ENTREP2: variants seen among roughly 807,000 people sequenced by gnomAD.
The protein encoded by ENTREP2 is protein ENTREP2.
At chr15:29,372,270 T>A in the ENTREP2 span, among the ~76,000 whole-genome samples, 3 of 152,322 alleles carry the variant, frequency 2.0e-5, no homozygotes, top group African/African-American at 7.2e-5. Context: ...ACGAAGGCCT[T>A]TATGATGGTC....
At chr15:29,421,663 C>T in the ENTREP2 span, among the ~76,000 whole-genome samples, 1 of 152,082 alleles carries the variant, frequency 6.6e-6, no homozygotes, top group African/African-American at 2.4e-5. Context: ...ACTTACAATG[C>T]TCAAACTACG....
the ENTREP2 span, among the ~76,000 whole-genome samples, chr15:29,578,739 G>A: frequency 6.6e-6 from 1 of 152,272 alleles, no homozygotes; most frequent in South Asian, 2.1e-4. Context: ...GTATCCTAAT[G>A]CACTTAGCAC....
the ENTREP2 span, chr15:29,124,630 A>G: frequency 2.1e-6 from 3 of 1,457,190 alleles, no homozygotes; most frequent in Non-Finnish European, 2.8e-6. Flanking sequence ...ACCCACCAAC[A>G]CCCGCCCCAC....
chr15:29,644,833 A>G, the ENTREP2 span, among the ~76,000 whole-genome samples: 2 of 151,698 alleles, frequency 1.3e-5, no homozygotes, highest in African/African-American at 2.4e-5. Context: ...AAAAAGAAAA[A>G]AAAAGAAAGA....
the ENTREP2 span, among the ~76,000 whole-genome samples, chr15:29,605,266 T>C: frequency 1.2e-3 from 178 of 152,344 alleles, no homozygotes; most frequent in African/African-American, 3.9e-3. Flanking sequence ...TTGATTATTC[T>C]TTTGAGAGAT....
At chr15:29,332,279 A>G in the ENTREP2 span, among the ~76,000 whole-genome samples, 3 of 152,184 alleles carry the variant, frequency 2.0e-5, no homozygotes, top group Admixed American at 2.0e-4. Context: ...AATCATCGTG[A>G]CCCCAGTGTA....
At chr15:29,410,272 G>C in the ENTREP2 span, among the ~76,000 whole-genome samples, 2 of 152,108 alleles carry the variant, frequency 1.3e-5, no homozygotes, top group African/African-American at 4.8e-5. Flanking sequence ...AGTGTGTTTG[G>C]TGTTGCTTGT....
chr15:29,162,197 G>T, the ENTREP2 span, among the ~76,000 whole-genome samples: 1 of 152,184 alleles, frequency 6.6e-6, no homozygotes, highest in Non-Finnish European at 1.5e-5. Context: ...TTCCTGCCTG[G>T]CACCACAGGG....
chr15:29,355,465 C>A, the ENTREP2 span, among the ~76,000 whole-genome samples: 1 of 148,768 alleles, frequency 6.7e-6, no homozygotes, highest in Non-Finnish European at 1.5e-5. Flanking sequence ...ATTTGAGAAG[C>A]ATTCATGAGA....
the ENTREP2 span, among the ~76,000 whole-genome samples, chr15:29,368,858 G>A: frequency 1.3e-5 from 2 of 151,754 alleles, no homozygotes; most frequent in Non-Finnish European, 2.9e-5. Context: ...TCTAGCCTGA[G>A]AGACAGAACA....
chr15:29,620,112 C>G, the ENTREP2 span, among the ~76,000 whole-genome samples: 1 of 152,004 alleles, frequency 6.6e-6, no homozygotes, highest in African/African-American at 2.4e-5. Context: ...ACGTTTTTTG[C>G]TTCTGTGCCT....
the ENTREP2 span, among the ~76,000 whole-genome samples, chr15:29,311,310 C>T: frequency 6.6e-6 from 1 of 152,174 alleles, no homozygotes; most frequent in Non-Finnish European, 1.5e-5. Flanking sequence ...TGGTATACTT[C>T]TGGGTAATTC....
the ENTREP2 span, among the ~76,000 whole-genome samples, chr15:29,522,005 G>C: frequency 1.3e-5 from 2 of 152,154 alleles, no homozygotes; most frequent in African/African-American, 4.8e-5. Context: ...TGATAGAGGT[G>C]CAAAAGCAAT....
the ENTREP2 span, among the ~76,000 whole-genome samples, chr15:29,507,965 C>G: frequency 6.6e-6 from 1 of 151,924 alleles, no homozygotes; most frequent in African/African-American, 2.4e-5. Flanking sequence ...AATCCAGGAG[C>G]AGATTTTTTG....
the ENTREP2 span, chr15:29,266,701 G>T: frequency 6.6e-6 from 1 of 152,082 alleles, no homozygotes. Flanking sequence ...CTCTATATTG[G>T]TTATGTATAT....
chr15:29,127,789 G>A, the ENTREP2 span, among the ~76,000 whole-genome samples: 1 of 152,172 alleles, frequency 6.6e-6, no homozygotes, highest in Non-Finnish European at 1.5e-5. Flanking sequence ...ACAGGAAGGG[G>A]CTCAGGTAGC....
chr15:29,312,251 A>T, the ENTREP2 span, among the ~76,000 whole-genome samples: 1 of 152,162 alleles, frequency 6.6e-6, no homozygotes, highest in African/African-American at 2.4e-5. Flanking sequence ...ATGAAAGAAG[A>T]AGTTAAAATT....
At chr15:29,514,157 G>T in the ENTREP2 span, among the ~76,000 whole-genome samples, 1 of 152,196 alleles carries the variant, frequency 6.6e-6, no homozygotes, top group Non-Finnish European at 1.5e-5. Context: ...CATGTACCCT[G>T]TTTGACAACA....
chr15:29,277,908 C>G, the ENTREP2 span, among the ~76,000 whole-genome samples: 36 of 151,862 alleles, frequency 2.4e-4, no homozygotes, highest in South Asian at 7.1e-3. Flanking sequence ...CAGACAGGGA[C>G]AATGCGAATA....
Sources: allele counts gnomAD v4.1 joint callset (sites outside exome capture counted in the v4.1 genomes callset), GRCh38; gene constraint gnomAD v4.1.1; transcripts MANE v1.5; gene names NCBI Gene and HGNC (gene_info 2026-07-23, HGNC 2026-07-21).